CIZ1: variants seen among roughly 807,000 people sequenced by gnomAD.
The protein encoded by CIZ1 is CDKN1A interacting zinc finger protein 1.
CIZ1 carries 58 observed loss-of-function variants against 118.6 expected under a neutral mutation model. That is an observed-to-expected ratio of 0.49 (90% CI 0.40 to 0.61). The LOEUF (loss-of-function observed/expected upper bound fraction) is 0.61. CIZ1 is among the 20% of genes least tolerant of loss of function. The pLI, the probability that CIZ1 is intolerant of heterozygous loss-of-function variation, is 0.00. For synonymous variants in CIZ1, 448 were observed against 443.4 expected (o/e 1.01, Z -0.13); for missense variants, 921 against 1,115.9 (o/e 0.83, Z 2.49).
At chr9:128,186,280 C>A (rs764502224) in intron 4 of CIZ1, among the ~76,000 whole-genome samples, 2 of 152,200 alleles carry the variant, frequency 1.3e-5, no homozygotes, top group East Asian at 3.9e-4. Context: ...GATGACAAAA[C>A]GGAGACAGAG....
At chr9:128,183,558 G>A (rs1457480035) in intron 5 of CIZ1, among the ~76,000 whole-genome samples, 2 of 152,236 alleles carry the variant, frequency 1.3e-5, no homozygotes, top group African/African-American at 4.8e-5. Context: ...GAGCTGCGGA[G>A]ACCTTCAGGG....
intron 3 of CIZ1, among the ~76,000 whole-genome samples, chr9:128,189,443 A>T (rs2131020748): frequency 6.6e-6 from 1 of 152,046 alleles, no homozygotes; most frequent in East Asian, 1.9e-4. Flanking sequence ...TGGGCACATG[A>T]CCCCTCTCTG....
At chr9:128,181,125 T>C (rs1831548963) in intron 5 of CIZ1, among the ~76,000 whole-genome samples, 1 of 152,154 alleles carries the variant, frequency 6.6e-6, no homozygotes, top group African/African-American at 2.4e-5. Flanking sequence ...GGGGTCCTTT[T>C]TTTTTTTGAG....
Position 128,203,788 on chromosome 9 carries a change from C to A in CIZ1, c.-6+398G>T, listed in dbSNP as rs1250282675. The stretch of plus-strand genomic sequence containing the variant: ...CAGCCGGAGCGAGGAGGCCCTCCCC[C>A]CACCACGAGAGCCCCTCGGGGCAGC... On this transcript the variant is annotated intron_variant, in intron 1 of 17. Transcript: ENST00000372948. This position sits in a 1 kb window ranked among gnomAD's most constrained non-coding sequence, Gnocchi z 5.3. Among the ~76,000 whole-genome samples the A allele has an allele frequency of 4.7e-5, 7 of 149,634 alleles. No homozygotes were observed. Among genetic ancestry groups the A allele is most frequent in the Non-Finnish European group, 9.0e-5 (6 of 66,954 alleles).
At position 128,179,040 on chromosome 9, in the gene CIZ1, C is replaced by G. The variant is rs755852736; in HGVS notation, c.1167G>C (p.Arg389Ser). 1.4e-5 allele frequency: 22 copies of G among 1,612,892 alleles called. No individual in the cohort carries two copies. The highest frequency in any genetic ancestry group is 1.8e-5 in the Non-Finnish European group (21 of 1,179,062). The change falls in exon 8 of 17, where the codon AGG (arginine) becomes AGC (serine). Residue 389 changes from arginine (R) to serine (S), a missense_variant. Physicochemically the swap from Arg to Ser is moderately radical, Grantham distance 110. Coordinates refer to ENST00000372938, the MANE Select transcript of CIZ1 (RefSeq NM_001131016.2). ...VQPQAHSQGP[R>S]QVQLQQEAEP... ...CTGCCTCCTGCTGCAGCTGCACCTG[C>G]CTTGGGCCCTGTGAATGTGCCTGTG...
chr9:128,170,861 A>G (rs1397784307), intron 11 of CIZ1, among the ~76,000 whole-genome samples: 1 of 152,234 alleles, frequency 6.6e-6, no homozygotes, highest in Non-Finnish European at 1.5e-5. Flanking sequence ...GAGGCCGGGC[A>G]TAGTGGCTCA....
intron 5 of CIZ1, among the ~76,000 whole-genome samples, chr9:128,185,326 T>C (rs1832224299): frequency 6.6e-6 from 1 of 152,146 alleles, no homozygotes; most frequent in Non-Finnish European, 1.5e-5. Flanking sequence ...GTACTGGTAG[T>C]GTTTGGGCAT....
At chr9:128,191,923 A>T (rs1312311989), upstream of CIZ1, 13 of 1,433,636 alleles carry the variant, frequency 9.1e-6, no homozygotes, top group African/African-American at 2.9e-5. This position sits in a 1 kb window ranked among gnomAD's most constrained non-coding sequence, Gnocchi z 5.5. Context: ...GGGGGCGCGC[A>T]GTTGGCGGAT....
intron 3 of CIZ1, among the ~76,000 whole-genome samples, chr9:128,189,154 C>T (rs1485299895): frequency 2.0e-5 from 3 of 152,116 alleles, no homozygotes; most frequent in Non-Finnish European, 2.9e-5. Context: ...CCAAGCTGTT[C>T]TCGAACTCCT....
chr9:128,186,058 G>A (rs1386448311), intron 4 of CIZ1, among the ~76,000 whole-genome samples: 1 of 152,050 alleles, frequency 6.6e-6, no homozygotes, highest in Non-Finnish European at 1.5e-5. Context: ...GCATGCTTTA[G>A]AGTCTGCCAT....
chr9:128,182,280 G>A (rs1376681483), intron 5 of CIZ1, among the ~76,000 whole-genome samples: 1 of 152,154 alleles, frequency 6.6e-6, no homozygotes, highest in East Asian at 1.9e-4. Flanking sequence ...TCTCTGTCTT[G>A]TGTCTTTATT....
intron 1 of CIZ1, among the ~76,000 whole-genome samples, chr9:128,201,144 T>C (rs1175275164): frequency 6.6e-6 from 1 of 151,970 alleles, no homozygotes; most frequent in Non-Finnish European, 1.5e-5. Flanking sequence ...GGCACGAGCC[T>C]GTAGTCCCAG....
chr9:128,176,339 T>TC lies in CIZ1; in HGVS notation c.1943+11dup. 6.2e-7 allele frequency: 1 copy of TC among 1,613,122 alleles called. No homozygotes were observed. The highest frequency in any genetic ancestry group is 8.5e-7 in the Non-Finnish European group (1 of 1,179,472). On this transcript the variant is annotated intron_variant, in intron 11 of 16. Transcript: ENST00000372938. ...ACCCCCCAACACAGAGCTTCCACGA[T>TC]CCCCCACTCACTCATCCTCTGTCTC...
chr9:128,170,080 G>A lies in CIZ1; in HGVS notation c.1971C>T (p.Asn657=). The stretch of plus-strand genomic sequence containing the variant: ...CCCCCATGTAGTAGAGCTGGCAGGT[G>A]TTGCACCAGCGCCTTGGTGGAGGCT... ...DEEPPPRRWC[N]TCQLYYMGDL... is the part of the protein sequence containing the mutation. Residue 657 remains asparagine, a synonymous_variant, in exon 12 of 17, where the codon AAC becomes AAT. Coordinates refer to ENST00000372938, the MANE Select transcript of CIZ1 (RefSeq NM_001131016.2). 6.2e-7 allele frequency: 1 copy of A among 1,613,516 alleles called. No homozygotes were observed. The highest frequency in any genetic ancestry group is 8.5e-7 in the Non-Finnish European group (1 of 1,179,836).
intron 11 of CIZ1, among the ~76,000 whole-genome samples, chr9:128,174,392 T>C (rs1398644510): frequency 1.3e-5 from 2 of 152,228 alleles, no homozygotes; most frequent in Non-Finnish European, 2.9e-5. Context: ...AGGCTGGGGC[T>C]GTGGGTACCT....
At chr9:128,190,592 G>A (rs1833007219) in intron 2 of CIZ1, 96 bp downstream of exon 2, 2 of 1,458,784 alleles carry the variant, frequency 1.4e-6, no homozygotes, top group Admixed American at 2.0e-5. Context: ...GGACTCAAAC[G>A]GGGATGGCAC....
chr9:128,191,394 G>A lies in CIZ1; in HGVS notation c.-6+38C>T, dbSNP rs1007329880. 1.2e-6 allele frequency: 1 copy of A among 816,914 alleles called. No individual in the cohort carries two copies. Among genetic ancestry groups the A allele is most frequent in the Non-Finnish European group, 1.5e-6 (1 of 673,674 alleles). 50.6% of individuals were successfully genotyped at this position (816,914 alleles called of 1,614,324 possible). On this transcript the variant is annotated intron_variant, in intron 1 of 16. Transcript: ENST00000372938. The surrounding 1 kb of genome is among the most constrained non-coding windows in gnomAD (Gnocchi z 5.5). ...CCTCCGCAGACACAGCCAGCTCGCAGGCGGAGCCCCACGACCCAGCCGCCC... is the reference window on the plus strand; with the variant it reads ...CCTCCGCAGACACAGCCAGCTCGCAAGCGGAGCCCCACGACCCAGCCGCCC...
intron 4 of CIZ1, among the ~76,000 whole-genome samples, chr9:128,187,561 T>C (rs1564293257): frequency 6.6e-6 from 1 of 152,332 alleles, no homozygotes. Context: ...CAAATGTGCC[T>C]GGTACATAGT....
intron 1 of CIZ1, among the ~76,000 whole-genome samples, chr9:128,199,390 A>G (rs1458369868): frequency 6.6e-6 from 1 of 151,688 alleles, no homozygotes; most frequent in Non-Finnish European, 1.5e-5. Flanking sequence ...TCTGCCCAGC[A>G]CAGTTGGTGG....
Sources: gnomAD v4.1 joint callset for allele counts (sites outside exome capture counted in the v4.1 genomes callset) on GRCh38, gnomAD v4.1.1 for gene constraint, Gnocchi (gnomAD v3.1) non-coding constraint, MANE v1.5 for transcripts, NCBI Gene and HGNC (gene_info 2026-07-23, HGNC 2026-07-21) for gene names.